QSER1: variants seen among roughly 807,000 people sequenced by gnomAD.
QSER1 encodes the protein glutamine and serine-rich protein 1.
In QSER1, 49 loss-of-function variants were observed where a neutral mutation model predicts 158.5. The ratio of observed to expected loss-of-function variants is 0.31; its 90% CI spans 0.25 to 0.39. The LOEUF (loss-of-function observed/expected upper bound fraction) is 0.39. Ranked by LOEUF, QSER1 falls within the 10% of genes least tolerant of loss-of-function variation. The probability of loss-of-function intolerance (pLI) is 1.00; values close to 1 mark genes in which losing one functional copy is unlikely to be tolerated. For missense variants in QSER1, 1,754 were observed against 2,010.3 expected (o/e 0.87, Z 2.44); for synonymous variants, 650 against 715.5 (o/e 0.91, Z 1.46).
Position 32,900,440 on chromosome 11 carries a change from T to A in QSER1, c.209+7106T>A, listed in dbSNP as rs565705737. 4.3e-4 allele frequency among the ~76,000 whole-genome samples: 65 copies of A among 152,148 alleles called. No individual in the cohort carries two copies. The South Asian group carries it at 0.012, about 29-fold the overall frequency. Reference sequence around the variant, plus strand: ...TGGGCATGGTGGCAGGTGCCTGTAGTCCCAGCTACTCGGGAGGCTGAGGCA... The same window carrying A: ...TGGGCATGGTGGCAGGTGCCTGTAGACCCAGCTACTCGGGAGGCTGAGGCA... On this transcript the variant is annotated intron_variant, in intron 1 of 12. Transcript: ENST00000650167.
chr11:32,950,465 AC>A (rs1382856405), intron 4 of QSER1, among the ~76,000 whole-genome samples: 1 of 152,172 alleles, frequency 6.6e-6, no homozygotes, highest in African/African-American at 2.4e-5. Context: ...ATTCAGACTT[AC>A]CACTGGAATT....
chr11:32,924,354 G>A (rs1851939162), intron 1 of QSER1, among the ~76,000 whole-genome samples: 1 of 151,936 alleles, frequency 6.6e-6, no homozygotes. Flanking sequence ...GCTTGTTTGA[G>A]TCCAGGAGTT....
At chr11:32,913,861 T>G (rs1471195682) in intron 1 of QSER1, among the ~76,000 whole-genome samples, 1 of 152,210 alleles carries the variant, frequency 6.6e-6, no homozygotes, top group Non-Finnish European at 1.5e-5. Flanking sequence ...GTCACAGAAT[T>G]TATATAGAAC....
In QSER1 at chr11:32,896,415, C is replaced by T. The variant is rs182705349; in HGVS notation, c.209+3081C>T. On this transcript the variant is annotated intron_variant, in intron 1 of 12. Coordinates refer to ENST00000650167, the MANE Select transcript of QSER1 (RefSeq NM_001076786.3). ...TGTTGCCCAGGCTGGAGTGCAACGG[C>T]GTGATCTCAGCTCTCTGCACCCTCT... Among the ~76,000 whole-genome samples the T allele has an allele frequency of 2.5e-3, 380 of 152,238 alleles. 4 individuals are homozygous for T. The highest frequency in any genetic ancestry group is 8.9e-3 in the African/African-American group (370 of 41,542).
At position 32,976,561 on chromosome 11, in the gene QSER1, C is replaced by T. The variant is rs569055600; in HGVS notation, c.*87C>T. 1 of 1,424,340 alleles carries T rather than the reference C, an allele frequency of 7.0e-7. No homozygotes were observed. Among genetic ancestry groups the T allele is most frequent in the South Asian group, 1.2e-5 (1 of 80,024 alleles). The allele number at this position is 1,424,340 out of a possible 1,614,324, so 88.2% of individuals were successfully genotyped here. On this transcript the variant is annotated 3_prime_UTR_variant, in exon 13 of 13. Transcript: ENST00000650167. Reference sequence around the variant, plus strand: ...AAGATAATCAGATGTCAAGTAGTGGCCTTCTGCAGGCCGGCCGCTTCCATC... The same window carrying T: ...AAGATAATCAGATGTCAAGTAGTGGTCTTCTGCAGGCCGGCCGCTTCCATC...
intron 4 of QSER1, among the ~76,000 whole-genome samples, chr11:32,941,833 T>C (rs1852243053): frequency 6.6e-6 from 1 of 151,810 alleles, no homozygotes; most frequent in South Asian, 2.1e-4. Flanking sequence ...GTTGAACTAG[T>C]TTACAGTCCC....
At chr11:32,908,695 T>C (rs61889544) in intron 1 of QSER1, among the ~76,000 whole-genome samples, 125 of 152,356 alleles carry the variant, frequency 8.2e-4, no homozygotes, top group Non-Finnish European at 1.4e-3. Flanking sequence ...TGTTTCCACT[T>C]TTTGGTTATT....
chr11:32,975,878 C>A (rs1852966946), intron 12 of QSER1, among the ~76,000 whole-genome samples: 1 of 152,168 alleles, frequency 6.6e-6, no homozygotes, highest in Admixed American at 6.5e-5. Flanking sequence ...CACAGCCATG[C>A]TAAATGGTTG....
At chr11:32,894,798 C>A (rs1851534164) in intron 1 of QSER1, among the ~76,000 whole-genome samples, 1 of 152,078 alleles carries the variant, frequency 6.6e-6, no homozygotes, top group Non-Finnish European at 1.5e-5. Context: ...TCAGAAATAG[C>A]CATAATTTTG....
At chr11:32,953,534 TA>T (rs1219735665) in intron 4 of QSER1, among the ~76,000 whole-genome samples, 1 of 151,970 alleles carries the variant, frequency 6.6e-6, no homozygotes, top group Non-Finnish European at 1.5e-5. Flanking sequence ...TTTATTTTTT[TA>T]ATAGGGCTGG....
At chr11:32,973,834 T>C (rs1852918626) in intron 11 of QSER1, among the ~76,000 whole-genome samples, 1 of 152,234 alleles carries the variant, frequency 6.6e-6, no homozygotes. Flanking sequence ...AGGTAGTTTT[T>C]CATTTTTTAA....
At chr11:32,921,991 C>T (rs917671916) in intron 1 of QSER1, among the ~76,000 whole-genome samples, 4 of 152,132 alleles carry the variant, frequency 2.6e-5, no homozygotes, top group Non-Finnish European at 5.9e-5. Flanking sequence ...CAAGACAATT[C>T]AATAGGTAAA....
chr11:32,954,344 T>C (rs934228450), intron 5 of QSER1, among the ~76,000 whole-genome samples, 165 bp downstream of exon 5: 2 of 152,222 alleles, frequency 1.3e-5, no homozygotes, highest in African/African-American at 2.4e-5. Context: ...TCAGATATCA[T>C]TGAAGATAAT....
intron 1 of QSER1, among the ~76,000 whole-genome samples, chr11:32,916,542 A>C (rs1229870739): frequency 6.6e-6 from 1 of 152,124 alleles, no homozygotes; most frequent in Non-Finnish European, 1.5e-5. Context: ...GGGTATACTT[A>C]CACAAACCTA....
chr11:32,927,073 C>T (rs1351270462), intron 1 of QSER1, 84 bp from the exon 2 acceptor site: 1 of 152,606 alleles, frequency 6.6e-6, no homozygotes, highest in Non-Finnish European at 1.5e-5. Flanking sequence ...GTTTCTACTA[C>T]TTTTATAGTT....
intron 1 of QSER1, among the ~76,000 whole-genome samples, chr11:32,915,041 C>T (rs1851815033): frequency 6.6e-6 from 1 of 152,058 alleles, no homozygotes; most frequent in Non-Finnish European, 1.5e-5. Flanking sequence ...CACCTTAGCC[C>T]CCCTGAGTAG....
intron 7 of QSER1, 22 bp downstream of exon 7, chr11:32,956,143 A>T (rs370504101): frequency 2.5e-5 from 40 of 1,576,538 alleles, no homozygotes; most frequent in Non-Finnish European, 3.5e-5. Context: ...CTTAGGTGAT[A>T]TATTTGTGCA....
intron 4 of QSER1, among the ~76,000 whole-genome samples, chr11:32,940,658 T>G (rs1382063446): frequency 6.6e-6 from 1 of 152,154 alleles, no homozygotes; most frequent in Non-Finnish European, 1.5e-5. Context: ...TCTGTCTAGG[T>G]CAATTTAAGA....
intron 4 of QSER1, among the ~76,000 whole-genome samples, chr11:32,943,820 C>T (rs1292510187): frequency 6.6e-6 from 1 of 152,138 alleles, no homozygotes; most frequent in Admixed American, 6.5e-5. Flanking sequence ...TACCAGTTTC[C>T]TCCTTGTACC....
Sources: allele counts gnomAD v4.1 joint callset (sites outside exome capture counted in the v4.1 genomes callset), GRCh38; gene constraint gnomAD v4.1.1; transcripts MANE v1.5; gene names NCBI Gene and HGNC (gene_info 2026-07-23, HGNC 2026-07-21).